SGCZ: variants seen among roughly 807,000 people sequenced by gnomAD.
SGCZ encodes the protein zeta-sarcoglycan.
SGCZ carries 40 observed loss-of-function variants against 41.3 expected under a neutral mutation model. That is an observed-to-expected ratio of 0.97 (90% confidence interval 0.75 to 1.26). The LOEUF (loss-of-function observed/expected upper bound fraction) is 1.26. Among genes scored for constraint, SGCZ ranks in the 50% most tolerant of loss-of-function variants. The pLI is 0.00. For missense variants in SGCZ, 552 were observed against 369.8 expected, an observed-to-expected ratio of 1.49 and a Z score of -4.04; for synonymous variants, 206 against 137.5, an observed-to-expected ratio of 1.50 and a Z score of -3.49.
At chr8:14,393,500 C>T (rs1048382777) in intron 2 of SGCZ, among the ~76,000 whole-genome samples, 11 of 152,160 alleles carry the variant, frequency 7.2e-5, no homozygotes, top group Non-Finnish European at 1.0e-4. Context: ...TCCCCACTCA[C>T]TATGTAAATG....
At position 14,974,885 on chromosome 8, in the gene SGCZ, A is replaced by G. The variant is rs572560211; in HGVS notation, c.39+262700T>C. Among the ~76,000 whole-genome samples, 6 of 151,984 alleles carry G rather than the reference A, an allele frequency of 3.9e-5. No homozygotes were observed. In the South Asian group the frequency reaches 1.2e-3, roughly 32 times the overall value. On this transcript the variant is annotated intron_variant, in intron 1 of 7. Coordinates refer to ENST00000382080, the MANE Select transcript of SGCZ (RefSeq NM_139167.4). ...TTAGGAAAAAAAAAAAAAAAAAGGA[A>G]ATACAGCACATCACTCTGCCTCCAA...
intron 3 of SGCZ, among the ~76,000 whole-genome samples, chr8:14,310,258 T>A (rs940900468): frequency 8.5e-5 from 13 of 152,166 alleles, no homozygotes; most frequent in African/African-American, 3.1e-4. Context: ...GCTTTTGTTT[T>A]TTTCCTCATG....
chr8:14,308,990 A>T, intron 3 of SGCZ: 1 of 885,800 alleles, frequency 1.1e-6, no homozygotes, highest in East Asian at 2.5e-5. Flanking sequence ...ATGAATTCCA[A>T]ACCGCACCCG....
chr8:14,145,508 C>G (rs1257015609), intron 5 of SGCZ, among the ~76,000 whole-genome samples: 1 of 152,108 alleles, frequency 6.6e-6, no homozygotes, highest in African/African-American at 2.4e-5. Flanking sequence ...TAACAAATAC[C>G]TAACTCTTCA....
intron 3 of SGCZ, 96 bp from the exon 4 acceptor site, chr8:14,237,775 T>G (rs1585264236): frequency 8.5e-7 from 1 of 1,170,154 alleles, no homozygotes; most frequent in Middle Eastern, 2.2e-4. Flanking sequence ...CTGAAAAATT[T>G]AATTTGTTTG....
chr8:14,801,159 A>T lies in SGCZ; in HGVS notation c.40-246233T>A, dbSNP rs186323873. 3.9e-4 allele frequency among the ~76,000 whole-genome samples: 59 copies of T among 152,278 alleles called. 2 individuals are homozygous for T. Among genetic ancestry groups the T allele is most frequent in the Non-Finnish European group, 2.9e-5 (2 of 68,008 alleles). On this transcript the variant is annotated intron_variant, in intron 1 of 7. Coordinates refer to ENST00000382080, the MANE Select transcript of SGCZ (RefSeq NM_139167.4). ...CCAAATAACGAAGATCGCATTGGTC[A>T]TGTATATGTGTGTATGTGTGTTTGT...
intron 5 of SGCZ, among the ~76,000 whole-genome samples, chr8:14,127,450 T>G (rs1321671383): frequency 6.6e-6 from 1 of 152,118 alleles, no homozygotes; most frequent in African/African-American, 2.4e-5. Flanking sequence ...TTATTCATTT[T>G]TATTTCTATT....
intron 1 of SGCZ, among the ~76,000 whole-genome samples, chr8:14,955,283 T>C (rs1800757025): frequency 6.6e-6 from 1 of 152,230 alleles, no homozygotes; most frequent in South Asian, 2.1e-4. Flanking sequence ...TGTGTAGCTA[T>C]ACTGTTTTTC....
At chr8:14,225,372 T>C (rs567677657) in intron 4 of SGCZ, among the ~76,000 whole-genome samples, 15 of 152,206 alleles carry the variant, frequency 9.9e-5, no homozygotes, top group South Asian at 6.2e-4. Context: ...AAAAAAACTC[T>C]CAGCAAATAT....
rs6989625 is a variant in SGCZ, at chr8:14,763,454, G to A, written c.40-208528C>T. On this transcript the variant is annotated intron_variant, in intron 1 of 7. Transcript: ENST00000382080. ...TCCATCTCTGCGCCCTACAACTGTTGTTATCTTAGCATGTCTCTTTATCCA... is the reference window on the plus strand; with the variant it reads ...TCCATCTCTGCGCCCTACAACTGTTATTATCTTAGCATGTCTCTTTATCCA... Among the ~76,000 whole-genome samples, 867 of 152,230 alleles carry A rather than the reference G, an allele frequency of 5.7e-3. 14 individuals are homozygous for A. Among genetic ancestry groups the A allele is most frequent in the African/African-American group, 0.02 (824 of 41,538 alleles).
At chr8:14,443,414 T>G (rs916009750) in intron 2 of SGCZ, among the ~76,000 whole-genome samples, 2 of 151,976 alleles carry the variant, frequency 1.3e-5, no homozygotes, top group African/African-American at 2.4e-5. Context: ...CAAACTATAC[T>G]ACAAGGCTAC....
At chr8:14,335,772 A>T (rs1293697503) in intron 2 of SGCZ, among the ~76,000 whole-genome samples, 1 of 152,054 alleles carries the variant, frequency 6.6e-6, no homozygotes, top group African/African-American at 2.4e-5. Flanking sequence ...CATTTCCTTC[A>T]ACAGTCTTCC....
At chr8:14,736,211 C>A (rs1054287944) in intron 1 of SGCZ, among the ~76,000 whole-genome samples, 4 of 152,032 alleles carry the variant, frequency 2.6e-5, no homozygotes, top group African/African-American at 9.7e-5. Flanking sequence ...ATACAGTAAA[C>A]CACCTTTTGT....
At chr8:14,179,543 T>C (rs1203371351) in intron 4 of SGCZ, among the ~76,000 whole-genome samples, 1 of 152,102 alleles carries the variant, frequency 6.6e-6, no homozygotes, top group Non-Finnish European at 1.5e-5. Context: ...AGTCTCCCTG[T>C]TTCACTATAT....
chr8:14,748,984 C>T (rs1799417784), intron 1 of SGCZ, among the ~76,000 whole-genome samples: 1 of 151,786 alleles, frequency 6.6e-6, no homozygotes, highest in African/African-American at 2.4e-5. Context: ...CATTTATATT[C>T]TCATATATAT....
intron 3 of SGCZ, among the ~76,000 whole-genome samples, chr8:14,318,011 C>T (rs1801773337): frequency 6.6e-6 from 1 of 151,794 alleles, no homozygotes; most frequent in Non-Finnish European, 1.5e-5. Flanking sequence ...CTTTGGGTTT[C>T]TTGCAAGTAT....
chr8:14,324,637 T>G (rs928803585), intron 2 of SGCZ, among the ~76,000 whole-genome samples: 23 of 152,224 alleles, frequency 1.5e-4, no homozygotes, highest in Non-Finnish European at 2.8e-4. Flanking sequence ...ATACAATAAT[T>G]TTAACAAGTA....
chr8:14,878,654 G>C (rs1804460752), intron 1 of SGCZ, among the ~76,000 whole-genome samples: 1 of 152,190 alleles, frequency 6.6e-6, no homozygotes, highest in African/African-American at 2.4e-5. Context: ...GAAAAGCTAT[G>C]TCAAGATCTA....
intron 1 of SGCZ, among the ~76,000 whole-genome samples, chr8:14,699,442 C>T (rs1450602604): frequency 6.6e-6 from 1 of 151,692 alleles, no homozygotes; most frequent in Middle Eastern, 3.2e-3. Context: ...GAATCTCTAC[C>T]TTTTACCATA....
Sources: allele counts gnomAD v4.1 joint callset (sites outside exome capture counted in the v4.1 genomes callset), GRCh38; gene constraint gnomAD v4.1.1; transcripts MANE v1.5; gene names NCBI Gene and HGNC (gene_info 2026-07-23, HGNC 2026-07-21).